The following REDIC1 variants were observed in gnomAD, a reference collection of about 807,000 sequenced individuals.
REDIC1 encodes HEI10 Interacting Protein 1.
chr12:39,869,757 A>C, the REDIC1 span, among the ~76,000 whole-genome samples: 2 of 152,214 alleles, frequency 1.3e-5, no homozygotes, highest in Non-Finnish European at 2.9e-5. Flanking sequence ...AGAGTTCAGG[A>C]AGATTCCTAG....
chr12:39,698,074 G>A, the REDIC1 span, among the ~76,000 whole-genome samples: 1 of 152,130 alleles, frequency 6.6e-6, no homozygotes, highest in Admixed American at 6.5e-5. Context: ...GATATTCCAA[G>A]CCAATAGAAA....
chr12:39,809,956 C>T, the REDIC1 span, among the ~76,000 whole-genome samples: 11 of 152,132 alleles, frequency 7.2e-5, no homozygotes, highest in East Asian at 1.9e-4. Flanking sequence ...TGAATAGTGC[C>T]GCAATAAACA....
At chr12:39,710,848 C>T in the REDIC1 span, among the ~76,000 whole-genome samples, 1 of 151,466 alleles carries the variant, frequency 6.6e-6, no homozygotes. Flanking sequence ...ATCACAGTGC[C>T]TTACATAAAG....
the REDIC1 span, among the ~76,000 whole-genome samples, chr12:39,779,267 T>G: frequency 6.6e-6 from 1 of 152,324 alleles, no homozygotes; most frequent in South Asian, 2.1e-4. Flanking sequence ...TGCAGCATTC[T>G]CAAATGTCCT....
chr12:39,713,013 ATGTG>A, the REDIC1 span, among the ~76,000 whole-genome samples: 1 of 139,040 alleles, frequency 7.2e-6, no homozygotes, highest in African/African-American at 2.9e-5. Flanking sequence ...GTATATATAC[ATGTG>A]TATATACGTG....
At chr12:39,648,759 ATAAT>A in the REDIC1 span, among the ~76,000 whole-genome samples, 14 of 150,842 alleles carry the variant, frequency 9.3e-5, no homozygotes, top group East Asian at 1.9e-4. Flanking sequence ...AAATCAGTTT[ATAAT>A]TAATTTATAG....
At chr12:39,699,887 C>T in the REDIC1 span, among the ~76,000 whole-genome samples, 1 of 152,210 alleles carries the variant, frequency 6.6e-6, no homozygotes, top group Non-Finnish European at 1.5e-5. Context: ...AGGGTCCTGT[C>T]TGTTAGAAGG....
the REDIC1 span, among the ~76,000 whole-genome samples, chr12:39,711,898 C>T: frequency 6.4e-5 from 5 of 77,856 alleles, no homozygotes; most frequent in African/African-American, 1.2e-4. Context: ...TGTGTATACA[C>T]GTATACACAT....
the REDIC1 span, among the ~76,000 whole-genome samples, chr12:39,780,808 C>A: frequency 6.6e-6 from 1 of 152,178 alleles, no homozygotes; most frequent in South Asian, 2.1e-4. Context: ...ATGATTTTCT[C>A]TGATACAGTC....
the REDIC1 span, among the ~76,000 whole-genome samples, chr12:39,697,577 T>C: frequency 6.6e-6 from 1 of 152,144 alleles, no homozygotes; most frequent in Admixed American, 6.5e-5. Context: ...GTATAAAAGA[T>C]ATATATAGAA....
the REDIC1 span, among the ~76,000 whole-genome samples, chr12:39,744,124 A>C: frequency 1.3e-5 from 2 of 152,260 alleles, no homozygotes; most frequent in Admixed American, 1.3e-4. Context: ...TTATAAAGGA[A>C]TAAAGAATTA....
the REDIC1 span, among the ~76,000 whole-genome samples, chr12:39,712,277 T>C: frequency 2.1e-5 from 3 of 140,336 alleles, no homozygotes; most frequent in African/African-American, 7.7e-5. Flanking sequence ...TATATACATG[T>C]ATATATACCT....
the REDIC1 span, among the ~76,000 whole-genome samples, chr12:39,639,502 T>A: frequency 6.6e-6 from 1 of 151,962 alleles, no homozygotes; most frequent in Non-Finnish European, 1.5e-5. Context: ...TGAAAATCAC[T>A]GGGAAAAATG....
the REDIC1 span, among the ~76,000 whole-genome samples, chr12:39,790,324 C>T: frequency 4.0e-5 from 6 of 150,518 alleles, no homozygotes; most frequent in South Asian, 2.1e-4. Flanking sequence ...CACCCACTAA[C>T]GCGTCATCTA....
the REDIC1 span, among the ~76,000 whole-genome samples, chr12:39,781,423 C>T: frequency 3.7e-3 from 562 of 152,312 alleles, 4 homozygotes; most frequent in African/African-American, 0.013. Context: ...ACCTCCTCCA[C>T]GTCACCTGCC....
chr12:39,646,581 G>A, the REDIC1 span: 2 of 959,500 alleles, frequency 2.1e-6, no homozygotes, highest in Non-Finnish European at 2.9e-6. Flanking sequence ...TTGTTTGGCT[G>A]TTAACAGTAT....
chr12:39,773,165 G>C, the REDIC1 span, among the ~76,000 whole-genome samples: 1 of 152,100 alleles, frequency 6.6e-6, no homozygotes, highest in Non-Finnish European at 1.5e-5. Context: ...TCATGCTCTT[G>C]GATGTGGCAC....
the REDIC1 span, among the ~76,000 whole-genome samples, chr12:39,701,786 C>T: frequency 6.6e-6 from 1 of 152,040 alleles, no homozygotes; most frequent in East Asian, 1.9e-4. Flanking sequence ...TTAAGAATCT[C>T]ACTCAAAACC....
At chr12:39,785,128 A>G in the REDIC1 span, among the ~76,000 whole-genome samples, 1 of 152,188 alleles carries the variant, frequency 6.6e-6, no homozygotes, top group Non-Finnish European at 1.5e-5. Flanking sequence ...CCCCAAGACC[A>G]TGGGGAAAAT....
Sources: allele counts gnomAD v4.1 joint callset (sites outside exome capture counted in the v4.1 genomes callset), GRCh38; gene constraint gnomAD v4.1.1; transcripts MANE v1.5; gene names NCBI Gene and HGNC (gene_info 2026-07-23, HGNC 2026-07-21).